Variants in CNTNAP5 observed in about 807,000 individuals in gnomAD.
CNTNAP5 encodes contactin associated protein family member 5.
Under a neutral mutation model 150.2 loss-of-function variants are expected in CNTNAP5, and 72 were observed. The observed-to-expected ratio is 0.48, with a 90% CI of 0.40 to 0.58. The LOEUF (loss-of-function observed/expected upper bound fraction) is 0.58, where lower values mean the gene tolerates loss of function less well. Ranked by LOEUF, CNTNAP5 falls within the 20% of genes least tolerant of loss-of-function variation. The probability of loss-of-function intolerance (pLI) is 0.00; values close to 1 mark genes in which losing one functional copy is unlikely to be tolerated. For synonymous variants in CNTNAP5, 672 were observed against 619.8 expected (o/e 1.08, Z -1.25); for missense variants, 1,636 against 1,626.2 (o/e 1.01, Z -0.10).
At chr2:124,629,301 A>G (rs1157430741) in intron 12 of CNTNAP5, among the ~76,000 whole-genome samples, 2 of 152,220 alleles carry the variant, frequency 1.3e-5, no homozygotes, top group Non-Finnish European at 2.9e-5. Flanking sequence ...AATTGATCAC[A>G]TAACTGAAAG....
chr2:124,657,671 G>A (rs921692122), intron 13 of CNTNAP5, among the ~76,000 whole-genome samples: 1 of 152,110 alleles, frequency 6.6e-6, no homozygotes, highest in African/African-American at 2.4e-5. Context: ...CCTAACTGTA[G>A]CCTGCAGAGC....
intron 2 of CNTNAP5, among the ~76,000 whole-genome samples, chr2:124,230,006 G>A (rs928358490): frequency 2.4e-4 from 37 of 152,066 alleles, no homozygotes; most frequent in Admixed American, 2.4e-3. Flanking sequence ...GCCTGTGTAA[G>A]TTGAGATTGT....
intron 3 of CNTNAP5, among the ~76,000 whole-genome samples, chr2:124,246,783 A>G (rs528819353): frequency 6.0e-4 from 92 of 152,190 alleles, no homozygotes; most frequent in African/African-American, 2.0e-3. Context: ...ATCCTCAGCT[A>G]TTCATCACAT....
At chr2:124,416,936 CTTTT>C (rs70996064) in intron 3 of CNTNAP5, among the ~76,000 whole-genome samples, 5 of 106,592 alleles carry the variant, frequency 4.7e-5, no homozygotes, top group Admixed American at 1.0e-4. Context: ...AGAGGGATTT[CTTTT>C]TTTTTTTTTT....
At chr2:124,909,786 C>T (rs1678614605) in intron 22 of CNTNAP5, among the ~76,000 whole-genome samples, 1 of 134,370 alleles carries the variant, frequency 7.4e-6, no homozygotes, top group African/African-American at 2.8e-5. Context: ...TCTCTAACAC[C>T]CACTATCATC....
intron 12 of CNTNAP5, among the ~76,000 whole-genome samples, chr2:124,634,181 G>T (rs1338081159): frequency 6.6e-6 from 1 of 152,160 alleles, no homozygotes; most frequent in Non-Finnish European, 1.5e-5. Flanking sequence ...CACATGGCCA[G>T]GCTGCAAATT....
intron 19 of CNTNAP5, among the ~76,000 whole-genome samples, chr2:124,846,380 T>C (rs972538694): frequency 6.6e-5 from 10 of 152,182 alleles, no homozygotes; most frequent in African/African-American, 2.2e-4. Flanking sequence ...GCTGAGACTT[T>C]CCGGTGCATT....
intron 12 of CNTNAP5, among the ~76,000 whole-genome samples, chr2:124,623,555 A>T (rs963191): frequency 0.42 from 63,173 of 152,154 alleles, 14,823 homozygotes; most frequent in Non-Finnish European, 0.54. Context: ...TGTCTGTAAA[A>T]GGAGGGTGAT....
At chr2:124,397,621 T>G (rs572164813) in intron 3 of CNTNAP5, among the ~76,000 whole-genome samples, 2 of 152,210 alleles carry the variant, frequency 1.3e-5, no homozygotes, top group Non-Finnish European at 2.9e-5. Flanking sequence ...GTTATGTTAC[T>G]CTGAAATACA....
At chr2:124,803,184 G>A (rs1682009236) in intron 19 of CNTNAP5, among the ~76,000 whole-genome samples, 1 of 151,988 alleles carries the variant, frequency 6.6e-6, no homozygotes, top group African/African-American at 2.4e-5. Context: ...TCGATGCTAG[G>A]TAGAAGTCTG....
chr2:124,266,934 A>C (rs1328334911), intron 3 of CNTNAP5, among the ~76,000 whole-genome samples: 1 of 151,978 alleles, frequency 6.6e-6, no homozygotes, highest in Non-Finnish European at 1.5e-5. Context: ...GCTTAAGCAT[A>C]ATATAGATTT....
intron 8 of CNTNAP5, among the ~76,000 whole-genome samples, chr2:124,519,619 C>T (rs1694808852): frequency 1.3e-5 from 2 of 152,222 alleles, no homozygotes; most frequent in Admixed American, 1.3e-4. Flanking sequence ...GGGCAATCAA[C>T]TTGACCTCCA....
In CNTNAP5 at chr2:124,897,346, C is replaced by T. The variant is rs570863262; in HGVS notation, c.3437-5536C>T. Among the ~76,000 whole-genome samples, 5 of 151,544 alleles carry T rather than the reference C, an allele frequency of 3.3e-5. No individual in the cohort carries two copies. The East Asian group carries it at 9.7e-4, about 29-fold the overall frequency. On this transcript the variant is annotated intron_variant, in intron 21 of 23. Transcript: ENST00000682447. ...ATTGCCTGAAATCTTTGCTGGTCTGCTAAATTAATCCACCAATATGATTGA... is the reference window on the plus strand; with the variant it reads ...ATTGCCTGAAATCTTTGCTGGTCTGTTAAATTAATCCACCAATATGATTGA...
intron 3 of CNTNAP5, among the ~76,000 whole-genome samples, chr2:124,259,922 G>A (rs777200806): frequency 2.0e-5 from 3 of 152,080 alleles, no homozygotes; most frequent in East Asian, 1.9e-4. Flanking sequence ...AATCAATATC[G>A]TGAAAATGGC....
At chr2:124,139,292 AC>A (rs1237666067) in intron 1 of CNTNAP5, among the ~76,000 whole-genome samples, 2 of 149,428 alleles carry the variant, frequency 1.3e-5, no homozygotes, top group African/African-American at 5.0e-5. Context: ...ACACACACAC[AC>A]AATGCTGTTT....
intron 13 of CNTNAP5, among the ~76,000 whole-genome samples, chr2:124,724,300 A>G (rs1286851285): frequency 6.6e-6 from 1 of 152,088 alleles, no homozygotes; most frequent in Non-Finnish European, 1.5e-5. Flanking sequence ...AGAATACTGC[A>G]AAGGATACAG....
At chr2:124,643,103 A>G (rs1260238604) in intron 12 of CNTNAP5, among the ~76,000 whole-genome samples, 1 of 152,182 alleles carries the variant, frequency 6.6e-6, no homozygotes, top group African/African-American at 2.4e-5. Context: ...CACTTAGATA[A>G]CTATTACTTT....
intron 8 of CNTNAP5, among the ~76,000 whole-genome samples, chr2:124,518,183 A>G (rs1473025224): frequency 1.3e-5 from 2 of 152,126 alleles, no homozygotes; most frequent in African/African-American, 4.8e-5. Context: ...AATATCTCTT[A>G]ACTGTTCTGA....
chr2:124,433,537 G>T (rs1692445258), intron 4 of CNTNAP5, among the ~76,000 whole-genome samples: 1 of 151,788 alleles, frequency 6.6e-6, no homozygotes, highest in Non-Finnish European at 1.5e-5. Context: ...GTTTTCTTGG[G>T]TACTCAATTT....
Sources: allele counts gnomAD v4.1 joint callset (sites outside exome capture counted in the v4.1 genomes callset), GRCh38; gene constraint gnomAD v4.1.1; transcripts MANE v1.5; gene names NCBI Gene and HGNC (gene_info 2026-07-23, HGNC 2026-07-21).